KIF24: variants seen among roughly 807,000 people sequenced by gnomAD.
KIF24 encodes kinesin family member 24.
A neutral mutation model predicts 118.9 loss-of-function variants in KIF24; 81 were observed. The observed-to-expected ratio is 0.68, with a 90% CI of 0.57 to 0.82. The LOEUF is 0.82. KIF24 is among the 40% of genes least tolerant of loss of function. The probability of loss-of-function intolerance (pLI) is 0.00; values close to 1 mark genes in which losing one functional copy is unlikely to be tolerated. For missense variants in KIF24, 1,560 were observed against 1,661.6 expected (o/e 0.94, Z 1.06); for synonymous variants, 599 against 610.0 (o/e 0.98, Z 0.27).
intron 2 of KIF24, among the ~76,000 whole-genome samples, chr9:34,308,418 G>A (rs997929647): frequency 6.6e-6 from 1 of 151,958 alleles, no homozygotes; most frequent in Non-Finnish European, 1.5e-5. Context: ...AGAATAGCTG[G>A]GACTGCAGGC....
intron 6 of KIF24, among the ~76,000 whole-genome samples, chr9:34,283,949 C>T (rs1217960364): frequency 6.6e-6 from 1 of 152,160 alleles, no homozygotes; most frequent in Non-Finnish European, 1.5e-5. Flanking sequence ...TAGGAATGCA[C>T]ACCACTCTGG....
chr9:34,277,192 G>C (rs1041331215), intron 6 of KIF24, among the ~76,000 whole-genome samples: 10 of 152,140 alleles, frequency 6.6e-5, no homozygotes, highest in Admixed American at 3.3e-4. Flanking sequence ...TTTCCTTTTA[G>C]AGTTTTAGAT....
rs1422156175 is a variant in KIF24, at chr9:34,253,290, G to GACTC, written c.*1086_*1089dup. ...TAATGGGCGTTCGGGCCAAGGCCGT[G>GACTC]ACTCATGAATCTCCATTTGACCCAG... On this transcript the variant is annotated 3_prime_UTR_variant, in exon 13 of 13. Transcript: ENST00000402558. 2 of 152,384 alleles carry GACTC rather than the reference G, an allele frequency of 1.3e-5. No individual in the cohort carries two copies. Among genetic ancestry groups the GACTC allele is most frequent in the East Asian group, 3.9e-4 (2 of 5,190 alleles). The allele number at this position is 152,384 out of a possible 1,614,324, so 9.4% of individuals were successfully genotyped here. A position where few individuals can be genotyped will look rare whatever the true frequency, so the allele number is the denominator to read the frequency against.
upstream of KIF24, among the ~76,000 whole-genome samples, chr9:34,331,892 T>G (rs1424951421): frequency 2.0e-5 from 3 of 152,228 alleles, no homozygotes; most frequent in Non-Finnish European, 4.4e-5. Flanking sequence ...CCTTGGCTTA[T>G]GAAACATCTC....
rs370229771 is a variant in KIF24 at position 34,254,364 on chromosome 9, G to A, written c.*16C>T. 39 of 1,605,178 alleles carry A rather than the reference G, an allele frequency of 2.4e-5. No homozygotes were observed. The highest frequency in any genetic ancestry group is 8.9e-5 in the South Asian group (8 of 90,286). ...ACTCCTGCAGGGCCCCCACCATCTC[G>A]GCACAGGGTCTGGCTCTAAGACGGC... On this transcript the variant is annotated 3_prime_UTR_variant, in exon 13 of 13. Transcript: ENST00000402558.
At chr9:34,278,420 CAAAA>C (rs578202789) in intron 6 of KIF24, among the ~76,000 whole-genome samples, 31 of 152,080 alleles carry the variant, frequency 2.0e-4, no homozygotes, top group Admixed American at 8.5e-4. Context: ...AAAAACAAAA[CAAAA>C]AGAAAAGATA....
intron 2 of KIF24, among the ~76,000 whole-genome samples, chr9:34,308,530 C>G (rs1345333181): frequency 6.6e-6 from 1 of 151,542 alleles, no homozygotes; most frequent in African/African-American, 2.4e-5. Context: ...GTGATCCACC[C>G]GCCTTGGCCT....
chr9:34,307,860 G>GAAAAAAAAA (rs57149308), intron 2 of KIF24, among the ~76,000 whole-genome samples: 1 of 113,996 alleles, frequency 8.8e-6, no homozygotes, highest in African/African-American at 3.6e-5. Flanking sequence ...GACTCTGTCT[G>GAAAAAAAAA]AAAAAAAAAA....
At chr9:34,330,789 G>A (rs1426754622), upstream of KIF24, among the ~76,000 whole-genome samples, 1 of 151,834 alleles carries the variant, frequency 6.6e-6, no homozygotes, top group East Asian at 1.9e-4. Context: ...GTGAAACCCC[G>A]TCTCTACTAA....
At chr9:34,262,045 C>T (rs377735994) in intron 9 of KIF24, among the ~76,000 whole-genome samples, 10 of 152,208 alleles carry the variant, frequency 6.6e-5, no homozygotes, top group Non-Finnish European at 7.4e-5. Flanking sequence ...GTAATCCTCC[C>T]GCCTCAGCCT....
chr9:34,311,402 A>G, intron 1 of KIF24, 31 bp from the exon 2 acceptor site: 2 of 1,191,972 alleles, frequency 1.7e-6, no homozygotes, highest in Non-Finnish European at 2.3e-6. Flanking sequence ...CATTCGCTTG[A>G]AATAGAGTAC....
At chr9:34,266,208 A>C (rs1835282196) in intron 8 of KIF24, among the ~76,000 whole-genome samples, 1 of 82,982 alleles carries the variant, frequency 1.2e-5, no homozygotes, top group Non-Finnish European at 2.4e-5. Context: ...TCTTAAACTA[A>C]TTTATTACTA....
At position 34,269,303 on chromosome 9, in the gene KIF24, C is replaced by T. The variant is rs1490655447; in HGVS notation, c.1397G>A (p.Arg466Lys). 3 of 1,612,128 alleles carry T rather than the reference C, an allele frequency of 1.9e-6. No individual in the cohort carries two copies. In the South Asian group the frequency reaches 3.3e-5, roughly 18 times the overall value. The change falls in exon 8 of 13, where the codon AGA becomes AAA. Residue 466 changes from arginine to lysine, a missense_variant. Arg to Lys is a conservative substitution (Grantham distance 26). Coordinates refer to ENST00000402558, the MANE Select transcript of KIF24 (RefSeq NM_194313.4). Reference protein sequence around the residue: ...ERAADARDSDRQTKMEGAEIN... With the variant: ...ERAADARDSDKQTKMEGAEIN... Reference sequence around the variant, plus strand: ...TTCTGCACCTTCCATCTTTGTCTGTCTATCTGAGTCCCTTGCATCTGCTGC... The same window carrying T: ...TTCTGCACCTTCCATCTTTGTCTGTTTATCTGAGTCCCTTGCATCTGCTGC...
rs750917048 is a variant in KIF24, at chr9:34,256,277, C to T, written c.3330G>A (p.Arg1110=). The T allele has an allele frequency of 3.7e-6, 6 of 1,609,946 alleles. No homozygotes were observed. In the South Asian group the frequency reaches 6.6e-5, roughly 18 times the overall value. ...GGGGAGATGAGGACAGCCACAGGTG[C>T]CTAGTTGCTGAAGACACTGGCAAGG... ...EAALPVSSAT[R]HLWLSSSPPD... is the part of the protein sequence containing the mutation. The change falls in exon 11 of 13, where the codon AGG becomes AGA. Residue 1110 remains arginine (R), a synonymous_variant. Coordinates refer to ENST00000402558, the MANE Select transcript of KIF24 (RefSeq NM_194313.4).
At chr9:34,285,306 T>C (rs1835994969) in intron 6 of KIF24, among the ~76,000 whole-genome samples, 1 of 152,228 alleles carries the variant, frequency 6.6e-6, no homozygotes, top group Non-Finnish European at 1.5e-5. Flanking sequence ...TCTGAACTCA[T>C]GTGATAGTAT....
chr9:34,264,421 C>T (rs1449841685), intron 8 of KIF24, among the ~76,000 whole-genome samples: 3 of 150,552 alleles, frequency 2.0e-5, no homozygotes, highest in African/African-American at 2.4e-5. Context: ...CAGAGCGAGA[C>T]TCCGTCTCAA....
rs369187509 is a variant in KIF24, at chr9:34,326,319, T to A, written c.-26+2787A>T. On this transcript the variant is annotated intron_variant, in intron 1 of 12. Coordinates refer to ENST00000402558, the MANE Select transcript of KIF24 (RefSeq NM_194313.4). ...GTGAGCCATGATCACACCACTGCAG[T>A]TCAGTGTGGGCAACAGGGCGACAGA... Among the ~76,000 whole-genome samples the A allele has an allele frequency of 3.3e-5, 5 of 152,152 alleles. No individual in the cohort carries two copies. In the South Asian group the frequency reaches 1.0e-3, roughly 32 times the overall value.
At chr9:34,294,580 A>G (rs148951935) in intron 4 of KIF24, among the ~76,000 whole-genome samples, 20 of 152,308 alleles carry the variant, frequency 1.3e-4, no homozygotes, top group East Asian at 5.8e-4. Flanking sequence ...CTTTATTCAT[A>G]AAGTCCAAAG....
At position 34,256,289 on chromosome 9, in the gene KIF24, A is replaced by G. The variant is rs1563931749; in HGVS notation, c.3318T>C (p.Ser1106=). Residue 1106 remains serine, a synonymous_variant, in exon 11 of 13, where the codon TCT becomes TCC. Coordinates refer to ENST00000402558, the MANE Select transcript of KIF24 (RefSeq NM_194313.4). ...ACAGCCACAGGTGCCTAGTTGCTGAAGACACTGGCAAGGCTGCCTCTTGAT... is the reference window on the plus strand; with the variant it reads ...ACAGCCACAGGTGCCTAGTTGCTGAGGACACTGGCAAGGCTGCCTCTTGAT... ...SGDQEAALPV[S]SATRHLWLSS... is the part of the protein sequence containing the mutation. 2 of 1,611,666 alleles carry G rather than the reference A, an allele frequency of 1.2e-6. No homozygotes were observed. The highest frequency in any genetic ancestry group is 1.7e-6 in the Non-Finnish European group (2 of 1,178,822).
Sources: gnomAD v4.1 joint callset for allele counts (sites outside exome capture counted in the v4.1 genomes callset) on GRCh38, gnomAD v4.1.1 for gene constraint, MANE v1.5 for transcripts, NCBI Gene and HGNC (gene_info 2026-07-23, HGNC 2026-07-21) for gene names.